The following SEL1L2 variants were observed in gnomAD, a reference collection of about 807,000 sequenced individuals.
The protein encoded by SEL1L2 is protein sel-1 homolog 2.
In SEL1L2, 89 loss-of-function variants were observed where a neutral mutation model predicts 98.8. That is an observed-to-expected ratio of 0.90 (90% CI 0.76 to 1.07). The LOEUF is 1.07. Among genes scored for constraint, SEL1L2 ranks in the 50% least tolerant of loss-of-function variants. The pLI, the probability that SEL1L2 is intolerant of heterozygous loss-of-function variation, is 0.00. For missense variants in SEL1L2, 788 were observed against 812.0 expected (o/e 0.97, Z 0.36); for synonymous variants, 262 against 278.5 (o/e 0.94, Z 0.59).
At chr20:13,928,362 C>T (rs922306459) in intron 3 of SEL1L2, 1 of 152,208 alleles carries the variant, frequency 6.6e-6, no homozygotes, top group African/African-American at 2.4e-5. Flanking sequence ...GTTTACCAGC[C>T]ACGAATGCTT....
chr20:13,936,995 T>C (rs1365432312), intron 2 of SEL1L2, among the ~76,000 whole-genome samples: 1 of 152,232 alleles, frequency 6.6e-6, no homozygotes, highest in African/African-American at 2.4e-5. Context: ...TTCTTACTAC[T>C]ACCACACCTA....
intron 4 of SEL1L2, among the ~76,000 whole-genome samples, chr20:13,914,427 TC>T (rs1393136802): frequency 6.6e-6 from 1 of 152,186 alleles, no homozygotes; most frequent in Non-Finnish European, 1.5e-5. Context: ...TCCCTTCATA[TC>T]TTAATTTGCT....
intron 2 of SEL1L2, among the ~76,000 whole-genome samples, chr20:13,945,329 A>T (rs2049959784): frequency 6.6e-6 from 1 of 152,160 alleles, no homozygotes. Context: ...GTTTTTCTGC[A>T]TAACTATTAA....
chr20:13,923,768 C>CTAT (rs2048762047), intron 3 of SEL1L2, among the ~76,000 whole-genome samples: 1 of 151,876 alleles, frequency 6.6e-6, no homozygotes, highest in African/African-American at 2.4e-5. Flanking sequence ...AAAACAAAAA[C>CTAT]AAATAAACAA....
At chr20:13,907,700 C>CTCTCTT (rs1555879990) in intron 5 of SEL1L2, among the ~76,000 whole-genome samples, 2 of 125,556 alleles carry the variant, frequency 1.6e-5, no homozygotes, top group African/African-American at 6.3e-5. Context: ...TTCTTTCTTT[C>CTCTCTT]TCTTTCTTTC....
chr20:13,956,910 T>C (rs1312060143), intron 1 of SEL1L2, among the ~76,000 whole-genome samples: 1 of 152,076 alleles, frequency 6.6e-6, no homozygotes, highest in Non-Finnish European at 1.5e-5. Flanking sequence ...GTAAAAATGA[T>C]CATATGTTTT....
chr20:13,856,415 C>A (rs1210013369), intron 18 of SEL1L2, among the ~76,000 whole-genome samples: 1 of 152,206 alleles, frequency 6.6e-6, no homozygotes, highest in Non-Finnish European at 1.5e-5. Flanking sequence ...CAGGCGTGAG[C>A]CACCATGCCT....
At chr20:13,912,617 C>A (rs1414305624) in intron 5 of SEL1L2, among the ~76,000 whole-genome samples, 2 of 152,072 alleles carry the variant, frequency 1.3e-5, no homozygotes, top group Non-Finnish European at 2.9e-5. Flanking sequence ...TGTGGGAGTT[C>A]TTACAGCAGA....
At chr20:13,884,700 G>A (rs2003741) in intron 10 of SEL1L2, among the ~76,000 whole-genome samples, 47,337 of 151,314 alleles carry the variant, frequency 0.31, 7,744 homozygotes, top group Middle Eastern at 0.45. Context: ...GTAGAGACGG[G>A]GTTTCACCGT....
In SEL1L2 at chr20:13,970,700, C is replaced by T. The variant is rs143078806; in HGVS notation, c.59-14569G>A. On this transcript the variant is annotated intron_variant, in intron 1 of 19. Transcript: ENST00000284951. Reference sequence around the variant, plus strand: ...ATACAAAATTAGCCAAGCGTGGTGGCAGGTGCCTGTAATCCCAGCTACTCG... The same window carrying T: ...ATACAAAATTAGCCAAGCGTGGTGGTAGGTGCCTGTAATCCCAGCTACTCG... Among the ~76,000 whole-genome samples the T allele has an allele frequency of 2.6e-5, 4 of 152,126 alleles. No individual in the cohort carries two copies. The South Asian group carries it at 6.2e-4, about 24-fold the overall frequency.
At chr20:13,873,140 A>AC (rs1406377080) in intron 12 of SEL1L2, among the ~76,000 whole-genome samples, 1 of 148,912 alleles carries the variant, frequency 6.7e-6, no homozygotes, top group Admixed American at 6.7e-5. Flanking sequence ...ACAGGCATGC[A>AC]CCCCCATGCC....
chr20:13,869,399 T>C, intron 14 of SEL1L2, 104 bp downstream of exon 14: 1 of 821,992 alleles, frequency 1.2e-6, no homozygotes, highest in Non-Finnish European at 2.0e-6. Context: ...CTAAATGTTC[T>C]GTCTAAACCA....
At chr20:13,903,235 T>C (rs1257287680) in intron 5 of SEL1L2, among the ~76,000 whole-genome samples, 2 of 152,170 alleles carry the variant, frequency 1.3e-5, no homozygotes, top group African/African-American at 2.4e-5. Flanking sequence ...AAATTGCTAC[T>C]ATTTGCTGTT....
rs143854948 is a variant in SEL1L2, at chr20:13,874,038, G to A, written c.1104+2000C>T. On this transcript the variant is annotated intron_variant, in intron 12 of 19. Transcript: ENST00000284951. ...GCTCTGTGGATGAAGGGAGGATTGG[G>A]CTCCGCTCTGGGGATGAGTAGGACT... Among the ~76,000 whole-genome samples the A allele has an allele frequency of 1.7e-3, 254 of 152,220 alleles. 1 individual carries two copies. The highest frequency in any genetic ancestry group is 5.6e-3 in the African/African-American group (231 of 41,524).
At chr20:13,851,066 G>A (rs1467695979) in intron 18 of SEL1L2, among the ~76,000 whole-genome samples, 1 of 152,046 alleles carries the variant, frequency 6.6e-6, no homozygotes, top group Non-Finnish European at 1.5e-5. Flanking sequence ...GTGAAACCCT[G>A]TCCCTACTAA....
chr20:13,939,035 G>T (rs1408757939), intron 2 of SEL1L2, among the ~76,000 whole-genome samples: 12 of 31,434 alleles, frequency 3.8e-4, no homozygotes, highest in South Asian at 1.2e-3. Context: ...TTGTTTGCTT[G>T]TTTTGTTTTT....
intron 5 of SEL1L2, among the ~76,000 whole-genome samples, chr20:13,902,056 G>A (rs1052916359): frequency 7.2e-5 from 11 of 152,122 alleles, no homozygotes; most frequent in African/African-American, 2.7e-4. Flanking sequence ...TCAGCTCATT[G>A]CCACGGAAAA....
intron 18 of SEL1L2, among the ~76,000 whole-genome samples, chr20:13,855,229 G>A (rs1301735468): frequency 6.6e-6 from 1 of 152,072 alleles, no homozygotes; most frequent in Non-Finnish European, 1.5e-5. Flanking sequence ...TGAGGGGAAG[G>A]AATAAGTAGC....
chr20:13,869,466 T>C (rs774158395), intron 14 of SEL1L2, 37 bp downstream of exon 14: 2 of 1,454,932 alleles, frequency 1.4e-6, no homozygotes, highest in Non-Finnish European at 1.9e-6. Context: ...AATGCATATG[T>C]CATTCTAAAT....
Sources: allele counts gnomAD v4.1 joint callset (sites outside exome capture counted in the v4.1 genomes callset), GRCh38; gene constraint gnomAD v4.1.1; transcripts MANE v1.5; gene names NCBI Gene and HGNC (gene_info 2026-07-23, HGNC 2026-07-21).